WWOX: variants seen among roughly 807,000 people sequenced by gnomAD.
The protein encoded by WWOX is WW domain-containing oxidoreductase.
In WWOX, 69 loss-of-function variants were observed where a neutral mutation model predicts 46.2. The observed-to-expected ratio is 1.49, with a 90% CI of 1.23 to 1.82. WWOX has a LOEUF of 1.82. Ranked by LOEUF, WWOX falls within the 40% of genes most tolerant of loss-of-function variation. The pLI is 0.00. For synonymous variants in WWOX, 359 were observed against 202.6 expected, an observed-to-expected ratio of 1.77 and a Z score of -6.56; for missense variants, 919 against 542.6, an observed-to-expected ratio of 1.69 and a Z score of -6.89.
At chr16:78,625,829 C>T (rs974822764) in intron 8 of WWOX, among the ~76,000 whole-genome samples, 17 of 145,706 alleles carry the variant, frequency 1.2e-4, no homozygotes, top group African/African-American at 3.8e-4. Flanking sequence ...TGGCAAATGG[C>T]AATTGCGGTT....
At position 78,440,093 on chromosome 16, in the gene WWOX, G is replaced by A. The variant is rs191481319; in HGVS notation, c.1056+7341G>A. On this transcript the variant is annotated intron_variant, in intron 8 of 8. Coordinates refer to ENST00000566780, the MANE Select transcript of WWOX (RefSeq NM_016373.4). The stretch of plus-strand genomic sequence containing the variant: ...TTTTTGAGCCTCTAGAGTGGCAGGC[G>A]AACTCTGATTTTGAGGAAAAAGGAT... Among the ~76,000 whole-genome samples, 194 of 152,206 alleles carry A rather than the reference G, an allele frequency of 1.3e-3. 1 individual carries two copies. In the East Asian group the frequency reaches 0.016, roughly 12 times the overall value.
At chr16:78,642,868 C>G (rs879013774) in intron 8 of WWOX, among the ~76,000 whole-genome samples, 1 of 152,128 alleles carries the variant, frequency 6.6e-6, no homozygotes, top group African/African-American at 2.4e-5. Flanking sequence ...CAACCAAATT[C>G]TGGAATCCTA....
chr16:78,335,203 G>A (rs1037051224), intron 5 of WWOX, among the ~76,000 whole-genome samples: 35 of 152,092 alleles, frequency 2.3e-4, no homozygotes, highest in African/African-American at 6.0e-4. Flanking sequence ...CATCTGCCAC[G>A]GTGGTTTGCT....
chr16:79,121,051 G>A (rs2049620830), intron 8 of WWOX, among the ~76,000 whole-genome samples: 2 of 152,220 alleles, frequency 1.3e-5, no homozygotes, highest in African/African-American at 4.8e-5. Flanking sequence ...TTACAGGCGT[G>A]AGTCACCATG....
At chr16:78,752,404 C>T (rs1051743770) in intron 8 of WWOX, among the ~76,000 whole-genome samples, 2 of 152,194 alleles carry the variant, frequency 1.3e-5, no homozygotes, top group Non-Finnish European at 2.9e-5. Context: ...TCTTCTGCCT[C>T]AGCCTTCTGA....
intron 8 of WWOX, among the ~76,000 whole-genome samples, chr16:78,780,860 C>T (rs529743574): frequency 6.0e-4 from 92 of 152,258 alleles, no homozygotes; most frequent in African/African-American, 2.1e-3. Flanking sequence ...CACTGAAGGG[C>T]ATTAAGCAGG....
intron 8 of WWOX, among the ~76,000 whole-genome samples, chr16:78,746,804 C>G (rs1173951823): frequency 1.3e-5 from 2 of 152,126 alleles, no homozygotes; most frequent in Admixed American, 6.5e-5. Flanking sequence ...TCAGGCCAAC[C>G]TCAACCAATT....
chr16:78,968,422 A>C (rs1051276895), intron 8 of WWOX, among the ~76,000 whole-genome samples: 2 of 152,218 alleles, frequency 1.3e-5, no homozygotes, highest in African/African-American at 4.8e-5. Context: ...TCCTGGTGGT[A>C]GCCAAACTGT....
intron 8 of WWOX, among the ~76,000 whole-genome samples, chr16:78,888,001 G>A (rs1449448914): frequency 6.6e-6 from 1 of 152,168 alleles, no homozygotes; most frequent in Non-Finnish European, 1.5e-5. Flanking sequence ...TCCCACATTG[G>A]ACTTGTCAGA....
At chr16:79,203,878 C>T (rs1485125431) in intron 8 of WWOX, 1 of 152,092 alleles carries the variant, frequency 6.6e-6, no homozygotes, top group Non-Finnish European at 1.5e-5. Context: ...CTAGCTATAA[C>T]CATAACAGAG....
At chr16:78,979,803 G>A (rs1269595292) in intron 8 of WWOX, among the ~76,000 whole-genome samples, 1 of 152,128 alleles carries the variant, frequency 6.6e-6, no homozygotes, top group Non-Finnish European at 1.5e-5. Context: ...TATCCAAAGG[G>A]TGTGATTGGT....
intron 8 of WWOX, among the ~76,000 whole-genome samples, chr16:79,108,096 A>G (rs576207929): frequency 1.3e-5 from 2 of 152,336 alleles, no homozygotes; most frequent in Middle Eastern, 3.4e-3. Context: ...ATTTTCTACA[A>G]TGAACATTTG....
chr16:78,786,579 G>A (rs889052479), intron 8 of WWOX, among the ~76,000 whole-genome samples: 6 of 152,110 alleles, frequency 3.9e-5, no homozygotes, highest in Non-Finnish European at 8.8e-5. Flanking sequence ...TTTCCAATAA[G>A]CCCATTTGAA....
At chr16:78,503,855 A>G (rs2085130030) in intron 8 of WWOX, 1 of 152,250 alleles carries the variant, frequency 6.6e-6, no homozygotes, top group East Asian at 1.9e-4. Flanking sequence ...AGTGTTGTCA[A>G]ATTTGCTAAA....
Position 79,059,569 on chromosome 16 carries a change from C to T in WWOX, c.1057-152039C>T, listed in dbSNP as rs1036907112. On this transcript the variant is annotated intron_variant, in intron 8 of 8. Transcript: ENST00000566780. ...GCAATGGCGCGATCTCGGCTCACTG[C>T]AGCCTCCGCCTTCCGGGTTCAAGTG... is the stretch of plus-strand genomic sequence containing the variant. 2.6e-5 allele frequency among the ~76,000 whole-genome samples: 4 copies of T among 152,188 alleles called. No homozygotes were observed. The East Asian group carries it at 5.8e-4, about 22-fold the overall frequency.
At chr16:78,912,151 A>T (rs953984282) in intron 8 of WWOX, among the ~76,000 whole-genome samples, 1 of 151,996 alleles carries the variant, frequency 6.6e-6, no homozygotes, top group African/African-American at 2.4e-5. Context: ...AGATGATGCC[A>T]TTACAGGTTG....
chr16:79,122,681 C>G (rs1567564693), intron 8 of WWOX, among the ~76,000 whole-genome samples: 1 of 151,850 alleles, frequency 6.6e-6, no homozygotes, highest in Admixed American at 6.6e-5. Flanking sequence ...TGGGTCTGCT[C>G]GCAGGAAATA....
At chr16:78,721,799 C>T (rs982537723) in intron 8 of WWOX, among the ~76,000 whole-genome samples, 7 of 152,180 alleles carry the variant, frequency 4.6e-5, no homozygotes, top group African/African-American at 1.7e-4. Flanking sequence ...AAGATACCCC[C>T]GACTTCCTTT....
chr16:78,556,285 C>G (rs2044295027), intron 8 of WWOX, among the ~76,000 whole-genome samples: 1 of 151,380 alleles, frequency 6.6e-6, no homozygotes, highest in Middle Eastern at 3.2e-3. Context: ...AAGAAAAAAT[C>G]CAACACAGAG....
Sources: allele counts gnomAD v4.1 joint callset (sites outside exome capture counted in the v4.1 genomes callset), GRCh38; gene constraint gnomAD v4.1.1; transcripts MANE v1.5; gene names NCBI Gene and HGNC (gene_info 2026-07-23, HGNC 2026-07-21).